Variants in MAP3K6 observed in about 807,000 individuals in gnomAD.
The protein encoded by MAP3K6 is mitogen-activated protein kinase kinase kinase 6.
A neutral mutation model predicts 147.1 loss-of-function variants in MAP3K6; 105 were observed. The observed-to-expected ratio is 0.71, with a 90% CI of 0.61 to 0.84. MAP3K6 has a LOEUF of 0.84. MAP3K6 is among the 40% of genes least tolerant of loss of function. The pLI, the probability that MAP3K6 is intolerant of heterozygous loss-of-function variation, is 0.00. For missense variants in MAP3K6, 1,569 were observed against 1,715.0 expected (o/e 0.91, Z 1.50); for synonymous variants, 695 against 732.4 (o/e 0.95, Z 0.82).
chr1:27,365,598 G>T (rs1428189301), intron 1 of MAP3K6, among the ~76,000 whole-genome samples: 1 of 152,048 alleles, frequency 6.6e-6, no homozygotes, highest in African/African-American at 2.4e-5. Context: ...CGGGGGAATA[G>T]CCTCCTTCTG....
At position 27,356,722 on chromosome 1, in the gene MAP3K6, C is replaced by T; in HGVS notation, c.3392G>A (p.Arg1131Lys). Residue 1131 changes from arginine to lysine, a missense_variant, in exon 25 of 29, where the codon AGG becomes AAG. Physicochemically the swap from Arg to Lys is conservative, Grantham distance 26. Transcript: ENST00000357582. ...PEVEKEAVSP[R>K]SEELSNEGDS... ...CCCTTCATTACTCAGCTCCTCTGAC[C>T]TCGGTGAGACCGCCTCCTTCTCCAC... 1 of 1,582,364 alleles carries T rather than the reference C, an allele frequency of 6.3e-7. No individual in the cohort carries two copies. Among genetic ancestry groups the T allele is most frequent in the Non-Finnish European group, 8.6e-7 (1 of 1,163,814 alleles).
rs886202965 is a variant in MAP3K6 at position 27,363,017 on chromosome 1, TC to T, written c.975del (p.Asn326ThrfsTer63). 1 of 1,612,948 alleles carries T rather than the reference TC, an allele frequency of 6.2e-7. No homozygotes were observed. The highest frequency in any genetic ancestry group is 8.5e-7 in the Non-Finnish European group (1 of 1,179,690). ...GCCTTCGCCCGGTCCCCAGGCCTGT[TC>T]CTCCTAGGGAAAAGATGGGCTCAGG... ...CFHYTFALNR[R>X]NRPGDRAKAL... is the part of the protein sequence containing the mutation. On this transcript the variant is annotated frameshift_variant, in exon 7 of 29. Coordinates refer to ENST00000357582, the MANE Select transcript of MAP3K6 (RefSeq NM_004672.5). LOFTEE classifies it high-confidence loss of function.
At position 27,358,935 on chromosome 1, in the gene MAP3K6, G is replaced by A; in HGVS notation, c.2426-69C>T. The A allele has an allele frequency of 1.4e-6, 2 of 1,475,266 alleles. No individual in the cohort carries two copies. The highest frequency in any genetic ancestry group is 1.8e-4 in the Middle Eastern group (1 of 5,410). The allele number at this position is 1,475,266 out of a possible 1,614,324, so 91.4% of individuals were successfully genotyped here. On this transcript the variant is annotated intron_variant, in intron 18 of 28. Transcript: ENST00000357582. The surrounding 1 kb of genome is among the most constrained non-coding windows in gnomAD (Gnocchi z 6.2). ...ATGGGGTTGGAGCAGGGAGGGGAATGCCGTCATCCTCAGGCCGACTGCACC... is the reference window on the plus strand; with the variant it reads ...ATGGGGTTGGAGCAGGGAGGGGAATACCGTCATCCTCAGGCCGACTGCACC...
At position 27,358,027 on chromosome 1, in the gene MAP3K6, C is replaced by G; in HGVS notation, c.2916-151G>C. 6.7e-7 allele frequency: 1 copy of G among 1,483,986 alleles called. No homozygotes were observed. Among genetic ancestry groups the G allele is most frequent in the Non-Finnish European group, 8.9e-7 (1 of 1,117,880 alleles). The allele number at this position is 1,483,986 out of a possible 1,614,324, so 91.9% of individuals were successfully genotyped here. A position where few individuals can be genotyped will look rare whatever the true frequency, so the allele number is the denominator to read the frequency against. On this transcript the variant is annotated intron_variant, in intron 21 of 28. Coordinates refer to ENST00000357582, the MANE Select transcript of MAP3K6 (RefSeq NM_004672.5). This position sits in a 1 kb window ranked among gnomAD's most constrained non-coding sequence, Gnocchi z 6.2. ...CCGCACTGAGAGGACACAACAAGTCCAAGTTAGAGTTGCCAGAACAGGGCA... is the reference window on the plus strand; with the variant it reads ...CCGCACTGAGAGGACACAACAAGTCGAAGTTAGAGTTGCCAGAACAGGGCA...
chr1:27,364,409 G>A lies in MAP3K6; in HGVS notation c.505-15C>T. 3 of 1,613,262 alleles carry A rather than the reference G, an allele frequency of 1.9e-6. No homozygotes were observed. Among genetic ancestry groups the A allele is most frequent in the Non-Finnish European group, 2.5e-6 (3 of 1,179,504 alleles). On this transcript the variant is annotated splice_polypyrimidine_tract_variant and intron_variant, in intron 3 of 28. Transcript: ENST00000357582. The surrounding 1 kb of genome is among the most constrained non-coding windows in gnomAD (Gnocchi z 4.4). ...CCAACGCAATCCTGGTGGGAGGGAGGCAGGAATCAGTGAGGTCAGAGGTCA... is the reference window on the plus strand; with the variant it reads ...CCAACGCAATCCTGGTGGGAGGGAGACAGGAATCAGTGAGGTCAGAGGTCA...
Position 27,356,058 on chromosome 1 carries a change from C to T in MAP3K6, c.3679G>A (p.Glu1227Lys), listed in dbSNP as rs148477596. ...ATGGTGCCTGAATCCACATTCAGTT[C>T]CTGTAGCCACTGCACCAGGCCCTGG... ...TDQGLVQWLQ[E>K]LNVDSGTIQM... Residue 1227 changes from glutamate to lysine, a missense_variant, in exon 27 of 29, where the codon GAA becomes AAA. Glu to Lys is a moderately conservative substitution (Grantham distance 56). Coordinates refer to ENST00000357582, the MANE Select transcript of MAP3K6 (RefSeq NM_004672.5). 4 of 1,614,196 alleles carry T rather than the reference C, an allele frequency of 2.5e-6. No individual in the cohort carries two copies. The South Asian group carries it at 3.3e-5, about 13-fold the overall frequency.
chr1:27,355,214 C>G lies in MAP3K6; in HGVS notation c.*177G>C. 1 of 712,326 alleles carries G rather than the reference C, an allele frequency of 1.4e-6. No individual in the cohort carries two copies. The allele number at this position is 712,326 out of a possible 1,614,324, so 44.1% of individuals were successfully genotyped here. ...AAGTGTTCTGTTTAATACGCTTTGT[C>G]TGGTAGTGCTTGGGTGCCTGTGGTT... is the stretch of plus-strand genomic sequence containing the variant. On this transcript the variant is annotated 3_prime_UTR_variant, in exon 29 of 29. Transcript: ENST00000357582.
In MAP3K6 at chr1:27,358,245, G is replaced by A; in HGVS notation, c.2851C>T (p.Pro951Ser). 2 of 1,600,482 alleles carry A rather than the reference G, an allele frequency of 1.2e-6. No homozygotes were observed. The highest frequency in any genetic ancestry group is 2.2e-5 in the East Asian group (1 of 44,764). The change falls in exon 21 of 29, where the codon CCC (proline) becomes TCC (serine). Residue 951 changes from proline (P) to serine (S), a missense_variant. By Grantham distance (74) the Pro-to-Ser change is moderately conservative. Transcript: ENST00000357582. This position sits in a 1 kb window ranked among gnomAD's most constrained non-coding sequence, Gnocchi z 6.2. ...GGGGGGCTGGGTGGGTGCTGAGAGGGTGCCTGAGGGCACGGGAATGTCTGA... is the reference window on the plus strand; with the variant it reads ...GGGGGGCTGGGTGGGTGCTGAGAGGATGCCTGAGGGCACGGGAATGTCTGA... ...QSQTFPCPQA[P>S]SQHPPSPPKR...
At position 27,359,674 on chromosome 1, in the gene MAP3K6, C is replaced by A; in HGVS notation, c.2320-152G>T. ...TCCCACTTATATGCCCCTCTGGGAG[C>A]TGACAATTGGTTTGGCTTCAGAGCT... On this transcript the variant is annotated intron_variant, in intron 17 of 28. Coordinates refer to ENST00000357582, the MANE Select transcript of MAP3K6 (RefSeq NM_004672.5). This position sits in a 1 kb window ranked among gnomAD's most constrained non-coding sequence, Gnocchi z 4.4. 7.2e-7 allele frequency: 1 copy of A among 1,392,320 alleles called. No homozygotes were observed. The highest frequency in any genetic ancestry group is 9.8e-7 in the Non-Finnish European group (1 of 1,019,192). The allele number at this position is 1,392,320 out of a possible 1,614,324, so 86.2% of individuals were successfully genotyped here.
In MAP3K6 at chr1:27,360,167, G is replaced by T; in HGVS notation, c.2182+74C>A. On this transcript the variant is annotated intron_variant, in intron 16 of 28. Coordinates refer to ENST00000357582, the MANE Select transcript of MAP3K6 (RefSeq NM_004672.5). This position sits in a 1 kb window ranked among gnomAD's most constrained non-coding sequence, Gnocchi z 4.5. ...GCACTAGGGTGCATTTCCCCCTAGG[G>T]CTCTCTACCCCTGCCTGCCTCGGTC... The T allele has an allele frequency of 6.3e-7, 1 of 1,595,486 alleles. No homozygotes were observed. Among genetic ancestry groups the T allele is most frequent in the Non-Finnish European group, 8.6e-7 (1 of 1,169,000 alleles).
At position 27,360,224 on chromosome 1, in the gene MAP3K6, C is replaced by T. The variant is rs749130490; in HGVS notation, c.2182+17G>A. ...TTCACACCTCGGTTTCATTCCCATC[C>T]CACACAGGGCAGGTACCTCCAGGCA... On this transcript the variant is annotated intron_variant, in intron 16 of 28. Coordinates refer to ENST00000357582, the MANE Select transcript of MAP3K6 (RefSeq NM_004672.5). The surrounding 1 kb of genome is among the most constrained non-coding windows in gnomAD (Gnocchi z 4.5). The T allele has an allele frequency of 1.4e-5, 22 of 1,613,268 alleles. No individual in the cohort carries two copies. The East Asian group carries it at 2.2e-4, about 16-fold the overall frequency.
At position 27,366,241 on chromosome 1, in the gene MAP3K6, GC is replaced by G. The variant is rs2015976242; in HGVS notation, c.340+16del. Reference sequence around the variant, plus strand: ...CTGAGTCCCGCCCGGATCCGGCCCCGCCCCCAGCGCTCTCACCCGCGTTGTA... The same window carrying G: ...CTGAGTCCCGCCCGGATCCGGCCCCGCCCCAGCGCTCTCACCCGCGTTGTA... On this transcript the variant is annotated intron_variant, in intron 1 of 28. Coordinates refer to ENST00000357582, the MANE Select transcript of MAP3K6 (RefSeq NM_004672.5). The surrounding 1 kb of genome is among the most constrained non-coding windows in gnomAD (Gnocchi z 5.5). The G allele has an allele frequency of 3.1e-6, 4 of 1,303,294 alleles. No homozygotes were observed. The highest frequency in any genetic ancestry group is 3.1e-5 in the East Asian group (1 of 32,326). The allele number at this position is 1,303,294 out of a possible 1,614,324, so 80.7% of individuals were successfully genotyped here.
At position 27,364,934 on chromosome 1, in the gene MAP3K6, C is replaced by T. The variant is rs780254851; in HGVS notation, c.341-22G>A. On this transcript the variant is annotated intron_variant, in intron 1 of 28. Coordinates refer to ENST00000357582, the MANE Select transcript of MAP3K6 (RefSeq NM_004672.5). The surrounding 1 kb of genome is among the most constrained non-coding windows in gnomAD (Gnocchi z 4.4). ...ACATCTGCAGGCACAGAGGGGGTGG[C>T]GCTGATCCCTGAAGCCCAGCTTGAT... 2.8e-5 allele frequency: 43 copies of T among 1,558,642 alleles called. No individual in the cohort carries two copies. The highest frequency in any genetic ancestry group is 3.4e-5 in the Non-Finnish European group (39 of 1,148,146).
chr1:27,362,910 CT>C lies in MAP3K6; in HGVS notation c.1082del (p.Lys361ArgfsTer28). The C allele has an allele frequency of 1.2e-6, 2 of 1,614,152 alleles. No homozygotes were observed. Among genetic ancestry groups the C allele is most frequent in the Non-Finnish European group, 8.5e-7 (1 of 1,180,022 alleles). ...GGAAACCCGAGCTGAAGAACATGTC[CT>C]TGTAGATACGGCCACACATGCAGTA... The part of the protein sequence containing the change: ...DLYCMCGRIY[K>X]DMFFSSGFQD... On this transcript the variant is annotated frameshift_variant, in exon 7 of 29. Coordinates refer to ENST00000357582, the MANE Select transcript of MAP3K6 (RefSeq NM_004672.5). LOFTEE classifies it high-confidence loss of function.
At position 27,356,430 on chromosome 1, in the gene MAP3K6, T is replaced by A. The variant is rs534028067; in HGVS notation, c.3595A>T (p.Asn1199Tyr). The change falls in exon 26 of 29, where the codon AAT (asparagine) becomes TAT (tyrosine). Residue 1199 changes from asparagine to tyrosine, a missense_variant. Coordinates refer to ENST00000357582, the MANE Select transcript of MAP3K6 (RefSeq NM_004672.5). The part of the protein sequence containing the change: ...ALVQRALQRL[N>Y]EEARTYVLAP... Reference sequence around the variant, plus strand: ...AGGACATAGGTCCGGGCTTCCTCATTCAGCCGCTGTAGAGCCCGCTGCACC... The same window carrying A: ...AGGACATAGGTCCGGGCTTCCTCATACAGCCGCTGTAGAGCCCGCTGCACC... 6.2e-7 allele frequency: 1 copy of A among 1,613,580 alleles called. No individual in the cohort carries two copies. The highest frequency in any genetic ancestry group is 1.7e-5 in the Admixed American group (1 of 59,950).
In MAP3K6 at chr1:27,360,225, C is replaced by G. The variant is rs1247960300; in HGVS notation, c.2182+16G>C. 1 of 1,613,274 alleles carries G rather than the reference C, an allele frequency of 6.2e-7. No homozygotes were observed. The highest frequency in any genetic ancestry group is 2.2e-5 in the East Asian group (1 of 44,864). ...TCACACCTCGGTTTCATTCCCATCC[C>G]ACACAGGGCAGGTACCTCCAGGCAC... On this transcript the variant is annotated intron_variant, in intron 16 of 28. Transcript: ENST00000357582. The surrounding 1 kb of genome is among the most constrained non-coding windows in gnomAD (Gnocchi z 4.5).
In MAP3K6 at chr1:27,358,756, G is replaced by A. The variant is rs146598623; in HGVS notation, c.2536C>T (p.Arg846Cys). 6.6e-5 allele frequency: 107 copies of A among 1,613,818 alleles called. No homozygotes were observed. Among genetic ancestry groups the A allele is most frequent in the Middle Eastern group, 1.6e-4 (1 of 6,082 alleles). The change falls in exon 19 of 29, where the codon CGC (arginine) becomes TGC (cysteine). Residue 846 changes from arginine (R) to cysteine (C), a missense_variant. Physicochemically the swap from Arg to Cys is radical, Grantham distance 180. Coordinates refer to ENST00000357582, the MANE Select transcript of MAP3K6 (RefSeq NM_004672.5). The surrounding 1 kb of genome is among the most constrained non-coding windows in gnomAD (Gnocchi z 6.2). The stretch of plus-strand genomic sequence containing the variant: ...CTCCCGAGCTCGTGGAAGGGGGGGC[G>A]ACCTGTGGCCATCTCAATGACAGTG... ...GCTVIEMATG[R>C]PPFHELGSPQ... is the part of the protein sequence containing the mutation.
Position 27,360,083 on chromosome 1 carries a change from A to G in MAP3K6, c.2183-89T>C. ...CAAGGCCCAGACACACCCATGTTGT[A>G]GCCCAACTCCATCACCCAGCGCCAC... On this transcript the variant is annotated intron_variant, in intron 16 of 28. Transcript: ENST00000357582. This position sits in a 1 kb window ranked among gnomAD's most constrained non-coding sequence, Gnocchi z 4.5. 6.3e-7 allele frequency: 1 copy of G among 1,590,562 alleles called. No homozygotes were observed. The highest frequency in any genetic ancestry group is 1.1e-5 in the South Asian group (1 of 89,214).
rs985053202 is a variant in MAP3K6 at position 27,359,758 on chromosome 1, A to G, written c.2319+100T>C. 6.5e-6 allele frequency: 10 copies of G among 1,543,418 alleles called. No individual in the cohort carries two copies. In the African/African-American group the frequency reaches 1.4e-4, roughly 21 times the overall value. ...TGATGAATTCCCTACCCTTTGCAAC[A>G]GGTCTGCTCACTTAATCTAAACTGC... On this transcript the variant is annotated intron_variant, in intron 17 of 28. Transcript: ENST00000357582. The surrounding 1 kb of genome is among the most constrained non-coding windows in gnomAD (Gnocchi z 4.4).
Sources: allele counts gnomAD v4.1 joint callset (sites outside exome capture counted in the v4.1 genomes callset), GRCh38; gene constraint gnomAD v4.1.1; non-coding constraint Gnocchi (gnomAD v3.1); transcripts MANE v1.5; gene names NCBI Gene and HGNC (gene_info 2026-07-23, HGNC 2026-07-21).